The following PRKAG2 variants were observed in gnomAD, a reference collection of about 807,000 sequenced individuals.
PRKAG2 encodes protein kinase AMP-activated non-catalytic subunit gamma 2.
PRKAG2 carries 26 observed loss-of-function variants against 69.6 expected under a neutral mutation model. The ratio of observed to expected loss-of-function variants is 0.37; its 90% CI spans 0.27 to 0.52. The LOEUF is 0.52. Ranked by LOEUF, PRKAG2 falls within the 20% of genes least tolerant of loss-of-function variation. PRKAG2 has a pLI of 0.90. For synonymous variants in PRKAG2, 293 were observed against 285.0 expected, an observed-to-expected ratio of 1.03 and a Z score of -0.28; for missense variants, 557 against 740.0, an observed-to-expected ratio of 0.75 and a Z score of 2.87.
chr7:151,810,779 C>G (rs946289843), intron 1 of PRKAG2: 1 of 153,792 alleles, frequency 6.5e-6, no homozygotes, highest in African/African-American at 2.4e-5. Context: ...AAAATGCCAC[C>G]ACATACCTTG....
chr7:151,735,150 C>T (rs897568807), intron 3 of PRKAG2, among the ~76,000 whole-genome samples: 4 of 152,072 alleles, frequency 2.6e-5, no homozygotes, highest in Admixed American at 1.3e-4. Context: ...GCCACCGCGC[C>T]CGGCCTCTGA....
intron 3 of PRKAG2, among the ~76,000 whole-genome samples, chr7:151,709,197 A>T (rs1206413831): frequency 1.3e-5 from 2 of 152,126 alleles, no homozygotes; most frequent in Non-Finnish European, 2.9e-5. Context: ...TATGAACTGA[A>T]TGACATTGTG....
chr7:151,776,604 C>T (rs564268593), intron 3 of PRKAG2, among the ~76,000 whole-genome samples: 1 of 152,326 alleles, frequency 6.6e-6, no homozygotes, highest in Non-Finnish European at 1.5e-5. Context: ...AGCAGGCAGC[C>T]CCAGGTCCCG....
intron 1 of PRKAG2, among the ~76,000 whole-genome samples, chr7:151,813,292 C>G (rs1586650097): frequency 6.6e-6 from 1 of 152,098 alleles, no homozygotes; most frequent in Admixed American, 6.5e-5. Context: ...GGATTCCCTG[C>G]TAGCCCAGCC....
intron 3 of PRKAG2, among the ~76,000 whole-genome samples, chr7:151,709,226 C>A (rs983748547): frequency 6.6e-6 from 1 of 152,022 alleles, no homozygotes; most frequent in Non-Finnish European, 1.5e-5. Context: ...TGTTGTGACA[C>A]TGACATTGTG....
In PRKAG2 at chr7:151,567,797, T is replaced by C. The variant is rs1341120068; in HGVS notation, c.1233+919A>G. ...GGTATTTCTCTCCATCACTAAGCCC[T>C]CTGTGCTTCTGTCAGCAAAAGGGGT... On this transcript the variant is annotated intron_variant, in intron 11 of 15. Transcript: ENST00000287878. The surrounding 1 kb of genome is among the most constrained non-coding windows in gnomAD (Gnocchi z 4.2). Among the ~76,000 whole-genome samples the C allele has an allele frequency of 6.6e-6, 1 of 152,212 alleles. No homozygotes were observed. The highest frequency in any genetic ancestry group is 2.4e-5 in the African/African-American group (1 of 41,460).
Position 151,567,615 on chromosome 7 carries a change from C to T in PRKAG2, c.1233+1101G>A, listed in dbSNP as rs1193507993. Among the ~76,000 whole-genome samples the T allele has an allele frequency of 1.3e-5, 2 of 152,304 alleles. No homozygotes were observed. The highest frequency in any genetic ancestry group is 2.1e-4 in the South Asian group (1 of 4,828). ...TCTGATAAACAATGCGGATGCATCCCTAATCCCTTTTTCCTAGATTATCGC... is the reference window on the plus strand; with the variant it reads ...TCTGATAAACAATGCGGATGCATCCTTAATCCCTTTTTCCTAGATTATCGC... On this transcript the variant is annotated intron_variant, in intron 11 of 15. Transcript: ENST00000287878. This position sits in a 1 kb window ranked among gnomAD's most constrained non-coding sequence, Gnocchi z 4.2.
At chr7:151,821,911 G>A (rs2078792247) in intron 1 of PRKAG2, among the ~76,000 whole-genome samples, 1 of 152,158 alleles carries the variant, frequency 6.6e-6, no homozygotes, top group South Asian at 2.1e-4. Flanking sequence ...GTATGTACAT[G>A]CACACACATA....
chr7:151,770,989 G>A (rs541632285), intron 3 of PRKAG2, among the ~76,000 whole-genome samples: 1 of 152,252 alleles, frequency 6.6e-6, no homozygotes, highest in South Asian at 2.1e-4. Flanking sequence ...GCAGCACTGT[G>A]GGCTTATGAC....
chr7:151,814,747 G>C lies in PRKAG2; in HGVS notation c.115-28206C>G. The C allele has an allele frequency of 8.3e-7, 1 of 1,201,922 alleles. No homozygotes were observed. Among genetic ancestry groups the C allele is most frequent in the Non-Finnish European group, 1.0e-6 (1 of 960,982 alleles). The allele number at this position is 1,201,922 out of a possible 1,614,324, so 74.5% of individuals were successfully genotyped here. Reference sequence around the variant, plus strand: ...GCTGGCCTAAGACAGCGCAGGCAACGGTCTTGGTGGCTGGAGCTGCTTTGC... The same window carrying C: ...GCTGGCCTAAGACAGCGCAGGCAACCGTCTTGGTGGCTGGAGCTGCTTTGC... On this transcript the variant is annotated intron_variant, in intron 1 of 15. Coordinates refer to ENST00000287878, the MANE Select transcript of PRKAG2 (RefSeq NM_016203.4). The surrounding 1 kb of genome is among the most constrained non-coding windows in gnomAD (Gnocchi z 4.8).
At chr7:151,574,513 C>T (rs1808422182) in intron 8 of PRKAG2, among the ~76,000 whole-genome samples, 1 of 152,182 alleles carries the variant, frequency 6.6e-6, no homozygotes, top group Non-Finnish European at 1.5e-5. Flanking sequence ...TCTTGTTCTG[C>T]AATTGCTGGG....
chr7:151,767,297 T>C (rs1586386401), intron 3 of PRKAG2, among the ~76,000 whole-genome samples: 2 of 152,204 alleles, frequency 1.3e-5, no homozygotes, highest in East Asian at 3.8e-4. Context: ...CCCGTTTTGT[T>C]TTATTTTGTT....
intron 3 of PRKAG2, among the ~76,000 whole-genome samples, chr7:151,677,911 C>A (rs1054920863): frequency 5.9e-5 from 9 of 152,202 alleles, no homozygotes; most frequent in Non-Finnish European, 4.4e-5. Flanking sequence ...GCGAATCGTT[C>A]ATTGCTCAGT....
chr7:151,603,952 G>A (rs906436457), intron 5 of PRKAG2, among the ~76,000 whole-genome samples: 2 of 148,116 alleles, frequency 1.4e-5, no homozygotes, highest in South Asian at 2.2e-4. Flanking sequence ...CTTCAACCTA[G>A]GTATAATCCA....
chr7:151,630,481 T>C (rs1274816348), intron 5 of PRKAG2, among the ~76,000 whole-genome samples: 6 of 152,228 alleles, frequency 3.9e-5, no homozygotes, highest in African/African-American at 9.6e-5. Context: ...ATGATACGGA[T>C]TGGCTCATTT....
chr7:151,726,709 A>G (rs1798038309), intron 3 of PRKAG2, among the ~76,000 whole-genome samples: 1 of 152,134 alleles, frequency 6.6e-6, no homozygotes, highest in Non-Finnish European at 1.5e-5. Context: ...CCAAAAAAAA[A>G]TCGTGTAAAT....
intron 6 of PRKAG2, among the ~76,000 whole-genome samples, chr7:151,592,004 C>T (rs371650607): frequency 2.1e-4 from 32 of 152,150 alleles, no homozygotes; most frequent in African/African-American, 6.3e-4. Context: ...CCCCCCAAGC[C>T]GAATGCTGAG....
intron 3 of PRKAG2, among the ~76,000 whole-genome samples, chr7:151,725,630 A>C (rs1179123948): frequency 6.6e-6 from 1 of 152,096 alleles, no homozygotes; most frequent in African/African-American, 2.4e-5. Flanking sequence ...AATATCAAGA[A>C]ACCAAATAAA....
chr7:151,640,687 G>A (rs956543681), intron 4 of PRKAG2, among the ~76,000 whole-genome samples: 1 of 147,954 alleles, frequency 6.8e-6, no homozygotes, highest in Non-Finnish European at 1.5e-5. Flanking sequence ...TTCCTTCCCC[G>A]ATTCACGACC....
Sources: allele counts gnomAD v4.1 joint callset (sites outside exome capture counted in the v4.1 genomes callset), GRCh38; gene constraint gnomAD v4.1.1; non-coding constraint Gnocchi (gnomAD v3.1); transcripts MANE v1.5; gene names NCBI Gene and HGNC (gene_info 2026-07-23, HGNC 2026-07-21).